Variants in GRK2 observed in about 807,000 individuals in gnomAD.
GRK2 encodes G protein-coupled receptor kinase 2, also known as adrenergic beta receptor kinase 1.
In GRK2, 23 loss-of-function variants were observed where a neutral mutation model predicts 97.8. The observed-to-expected ratio is 0.24, with a 90% CI of 0.17 to 0.33. GRK2 has a LOEUF of 0.33. Among genes scored for constraint, GRK2 ranks in the 10% least tolerant of loss-of-function variants. The pLI, the probability that GRK2 is intolerant of heterozygous loss-of-function variation, is 1.00. For missense variants in GRK2, 633 were observed against 956.9 expected, an observed-to-expected ratio of 0.66 and a Z score of 4.47; for synonymous variants, 425 against 381.7, an observed-to-expected ratio of 1.11 and a Z score of -1.32.
chr11:67,268,295 T>C (rs931256138), intron 1 of GRK2, among the ~76,000 whole-genome samples: 9 of 152,212 alleles, frequency 5.9e-5, no homozygotes, highest in Non-Finnish European at 1.3e-4. Context: ...GGTGTTTGGA[T>C]TGACTGAACG....
chr11:67,284,662 G>A (rs1860231187), intron 18 of GRK2, 185 bp from the exon 19 acceptor site: 5 of 826,118 alleles, frequency 6.1e-6, no homozygotes, highest in South Asian at 3.7e-5. Context: ...GGTGGCACGC[G>A]CCTGTACTCC....
In GRK2 at chr11:67,282,827, A is replaced by G. The variant is rs751546410; in HGVS notation, c.1227+9A>G. 6.8e-6 allele frequency: 11 copies of G among 1,605,870 alleles called. No homozygotes were observed. In the East Asian group the frequency reaches 2.0e-4, roughly 29 times the overall value. On this transcript the variant is annotated intron_variant, in intron 14 of 20. Coordinates refer to ENST00000308595, the MANE Select transcript of GRK2 (RefSeq NM_001619.5). This position sits in a 1 kb window ranked among gnomAD's most constrained non-coding sequence, Gnocchi z 6.9. ...GCATGACGCTGACGATGGTGGGTGC[A>G]GGTCTCAGTGCAGGGCCGCAGGGGG...
intron 2 of GRK2, among the ~76,000 whole-genome samples, chr11:67,278,729 C>A (rs1291663954): frequency 2.0e-5 from 3 of 152,208 alleles, no homozygotes; most frequent in Admixed American, 1.3e-4. Context: ...TAACCTTTTC[C>A]CCATGCTGCA....
chr11:67,285,214 G>A, intron 20 of GRK2, 26 bp downstream of exon 20: 1 of 1,612,762 alleles, frequency 6.2e-7, no homozygotes, highest in Non-Finnish European at 8.5e-7. Flanking sequence ...GCCAGGGATG[G>A]GAGGGCCGAG....
intron 1 of GRK2, among the ~76,000 whole-genome samples, chr11:67,274,501 T>TTTTTTTTTTTTTTTTTTTTTTG: frequency 1.1e-5 from 1 of 92,712 alleles, no homozygotes; most frequent in African/African-American, 3.8e-5. Flanking sequence ...GCACCTTTTT[T>TTTTTTTTTTTTTTTTTTTTTTG]TTTTTTTTTT....
rs1412674131 is a variant in GRK2 at position 67,285,143 on chromosome 11, G to C, written c.1860G>C (p.Leu620=). Residue 620 remains leucine (L), a synonymous_variant, in exon 20 of 21, where the codon CTG becomes CTC. Transcript: ENST00000308595. ...CGCAGATCAAGGAGCGCAAGTGCCTGCTCCTCAAGATCCGCGGTGGGAAAC... is the reference window on the plus strand; with the variant it reads ...CGCAGATCAAGGAGCGCAAGTGCCTCCTCCTCAAGATCCGCGGTGGGAAAC... The part of the protein sequence containing the change: ...EETQIKERKC[L]LLKIRGGKQF... The C allele has an allele frequency of 6.2e-7, 1 of 1,613,624 alleles. No individual in the cohort carries two copies. The highest frequency in any genetic ancestry group is 8.5e-7 in the Non-Finnish European group (1 of 1,179,956).
At position 67,269,183 on chromosome 11, in the gene GRK2, C is replaced by A; in HGVS notation, c.113+2371C>A. 6.6e-6 allele frequency among the ~76,000 whole-genome samples: 1 copy of A among 152,244 alleles called. No individual in the cohort carries two copies. On this transcript the variant is annotated intron_variant, in intron 1 of 20. Coordinates refer to ENST00000308595, the MANE Select transcript of GRK2 (RefSeq NM_001619.5). This position sits in a 1 kb window ranked among gnomAD's most constrained non-coding sequence, Gnocchi z 4.1. ...ACCCAGTGGGGCAGAGCACGCCGCC[C>A]CCCGCCCCCCGCCGCCCCAGTGGTG... is the stretch of plus-strand genomic sequence containing the variant.
rs1251480558 is a variant in GRK2 at position 67,284,873 on chromosome 11, A to G, written c.1681A>G (p.Met561Val). 2.5e-6 allele frequency: 4 copies of G among 1,613,306 alleles called. No individual in the cohort carries two copies. Among genetic ancestry groups the G allele is most frequent in the African/African-American group, 1.3e-5 (1 of 75,064 alleles). The stretch of plus-strand genomic sequence containing the variant: ...CTACGCCCTGGGCAAGGACTGCATC[A>G]TGCATGGCTACATGTCCAAGATGGG... ...EDYALGKDCI[M>V]HGYMSKMGNP... Residue 561 changes from methionine to valine, a missense_variant, in exon 19 of 21, where the codon ATG (methionine) becomes GTG (valine). Coordinates refer to ENST00000308595, the MANE Select transcript of GRK2 (RefSeq NM_001619.5).
chr11:67,284,755 C>T, intron 18 of GRK2, 92 bp from the exon 19 acceptor site: 1 of 1,495,514 alleles, frequency 6.7e-7, no homozygotes, highest in South Asian at 1.3e-5. Context: ...TGCCACAGCC[C>T]TCCAGCCTGG....
intron 1 of GRK2, among the ~76,000 whole-genome samples, chr11:67,270,045 G>A (rs545540963): frequency 5.3e-5 from 8 of 152,264 alleles, no homozygotes; most frequent in Non-Finnish European, 7.4e-5. Flanking sequence ...AGCTCACATG[G>A]GACCCAGGCG....
At chr11:67,273,946 T>G (rs551860429) in intron 1 of GRK2, among the ~76,000 whole-genome samples, 1 of 151,868 alleles carries the variant, frequency 6.6e-6, no homozygotes, top group South Asian at 2.1e-4. Flanking sequence ...GTGTGTCCAG[T>G]TGAAAAGTGG....
At chr11:67,283,285 C>A in intron 15 of GRK2, 57 bp downstream of exon 15, 1 of 1,486,204 alleles carries the variant, frequency 6.7e-7, no homozygotes, top group Non-Finnish European at 9.4e-7. Flanking sequence ...AGGACAAGGG[C>A]TGTGTCCCGT....
Position 67,282,463 on chromosome 11 carries a change from G to C in GRK2, c.1081G>C (p.Val361Leu). 6.2e-7 allele frequency: 1 copy of C among 1,613,738 alleles called. No homozygotes were observed. Among genetic ancestry groups the C allele is most frequent in the Non-Finnish European group, 8.5e-7 (1 of 1,180,000 alleles). The change falls in exon 13 of 21, where the codon GTC (valine) becomes CTC (leucine). Residue 361 changes from valine (V) to leucine (L), a missense_variant. By Grantham distance (32) the Val-to-Leu change is conservative. Transcript: ENST00000308595. The surrounding 1 kb of genome is among the most constrained non-coding windows in gnomAD (Gnocchi z 6.9). ...CACCCACGGGTACATGGCTCCGGAG[G>C]TCCTGCAGAAGGGCGTGGCCTACGA... ...VGTHGYMAPE[V>L]LQKGVAYDSS...
chr11:67,281,546 C>A lies in GRK2; in HGVS notation c.735C>A (p.Leu245=), dbSNP rs772631517. The A allele has an allele frequency of 6.2e-7, 1 of 1,613,460 alleles. No individual in the cohort carries two copies. Among genetic ancestry groups the A allele is most frequent in the Non-Finnish European group, 8.5e-7 (1 of 1,179,932 alleles). ...LALNERIMLS[L]VSTGDCPFIV... ...TGAACGAGCGCATCATGCTCTCGCT[C>A]GTCAGCACTGGGGTGAGCTGGGTGG... Residue 245 remains leucine (L), a synonymous_variant, in exon 9 of 21, where the codon CTC becomes CTA. Coordinates refer to ENST00000308595, the MANE Select transcript of GRK2 (RefSeq NM_001619.5). This position sits in a 1 kb window ranked among gnomAD's most constrained non-coding sequence, Gnocchi z 5.7.
At chr11:67,270,961 GAGCGCTCCGC>G (rs1859894087) in intron 1 of GRK2, 1 of 152,230 alleles carries the variant, frequency 6.6e-6, no homozygotes. Context: ...TCAGGTACAG[GAGCGCTCCGC>G]AGCCAGTGTT....
At chr11:67,283,667 AG>A in intron 15 of GRK2, 39 bp from the exon 16 acceptor site, 1 of 1,604,702 alleles carries the variant, frequency 6.2e-7, no homozygotes, top group Non-Finnish European at 8.5e-7. Context: ...CCCGGGACTC[AG>A]GGTGGGGCTG....
intron 1 of GRK2, among the ~76,000 whole-genome samples, chr11:67,274,135 C>A (rs1019062551): frequency 6.6e-6 from 1 of 151,588 alleles, no homozygotes; most frequent in African/African-American, 2.4e-5. Context: ...GCCTCAGTCT[C>A]CTGAGTAGCT....
chr11:67,279,511 T>G lies in GRK2; in HGVS notation c.358T>G (p.Cys120Gly). 6.2e-7 allele frequency: 1 copy of G among 1,613,146 alleles called. No individual in the cohort carries two copies. The highest frequency in any genetic ancestry group is 1.1e-5 in the South Asian group (1 of 91,076). ...DSYIMKELLA[C>G]SHPFSKSATE... is the part of the protein sequence containing the mutation. The stretch of plus-strand genomic sequence containing the variant: ...ATACATCATGAAGGAGCTGCTGGCC[T>G]GCTCGCATGTGAGTGTCCTCAGCTG... Residue 120 changes from cysteine (C) to glycine (G), a missense_variant, in exon 4 of 21, where the codon TGC becomes GGC. This residue lies in a region of GRK2 where 193 missense variants were observed against 212.2 expected (regional missense o/e 0.91). Coordinates refer to ENST00000308595, the MANE Select transcript of GRK2 (RefSeq NM_001619.5).
chr11:67,286,205 G>T lies in GRK2; in HGVS notation c.*755G>T, dbSNP rs1051819182. 28 of 558,006 alleles carry T rather than the reference G, an allele frequency of 5.0e-5. No homozygotes were observed. The highest frequency in any genetic ancestry group is 8.5e-5 in the Non-Finnish European group (27 of 317,628). 34.6% of individuals were successfully genotyped at this position (558,006 alleles called of 1,614,324 possible). A position where few individuals can be genotyped will look rare whatever the true frequency, so the allele number is the denominator to read the frequency against. ...TGAGGTCTCGCTGATGCTGGGCTGG[G>T]TGCGACCCCATCTGCCCAGGACGGG... On this transcript the variant is annotated 3_prime_UTR_variant, in exon 21 of 21. Coordinates refer to ENST00000308595, the MANE Select transcript of GRK2 (RefSeq NM_001619.5).
Sources: allele counts gnomAD v4.1 joint callset (sites outside exome capture counted in the v4.1 genomes callset), GRCh38; gene constraint gnomAD v4.1.1; regional missense constraint gnomAD v4.1.1; non-coding constraint Gnocchi (gnomAD v3.1); transcripts MANE v1.5; gene names NCBI Gene and HGNC (gene_info 2026-07-23, HGNC 2026-07-21).